The following GINS2 variants were observed in gnomAD, a reference collection of about 807,000 sequenced individuals.
GINS2 encodes the protein GINS complex subunit 2.
A neutral mutation model predicts 21.2 loss-of-function variants in GINS2; 23 were observed. That is an observed-to-expected ratio of 1.08 (90% CI 0.78 to 1.53). The LOEUF (loss-of-function observed/expected upper bound fraction) is 1.53. Ranked by LOEUF, GINS2 falls within the 40% of genes most tolerant of loss-of-function variation. GINS2 has a pLI of 0.00. For synonymous variants in GINS2, 118 were observed against 85.6 expected (o/e 1.38, Z -2.09); for missense variants, 323 against 233.9 (o/e 1.38, Z -2.49).
chr16:85,688,382 CCAAAAATA>C (rs1163444885), intron 1 of GINS2, among the ~76,000 whole-genome samples: 1 of 151,842 alleles, frequency 6.6e-6, no homozygotes, highest in African/African-American at 2.4e-5. Context: ...CACATCTCTA[CCAAAAATA>C]CAAAAATGCG....
At chr16:85,688,314 G>A (rs1262480424) in intron 1 of GINS2, among the ~76,000 whole-genome samples, 2 of 152,174 alleles carry the variant, frequency 1.3e-5, no homozygotes, top group East Asian at 1.9e-4. Context: ...TTGGGAGGCC[G>A]AGGCGAGTGG....
At chr16:85,687,624 G>T (rs1412951333) in intron 1 of GINS2, 50 bp from the exon 2 acceptor site, 5 of 1,079,480 alleles carry the variant, frequency 4.6e-6, no homozygotes, top group Non-Finnish European at 6.7e-6. Flanking sequence ...AACAAAAAAA[G>T]CATTACTGTG....
At chr16:85,687,984 G>A in intron 1 of GINS2, 1 of 156,658 alleles carries the variant, frequency 6.4e-6, no homozygotes. Context: ...TACTGAAAAC[G>A]CAAAGCCGGG....
chr16:85,680,733 C>T (rs1296441962), intron 3 of GINS2, among the ~76,000 whole-genome samples: 1 of 152,158 alleles, frequency 6.6e-6, no homozygotes, highest in African/African-American at 2.4e-5. Context: ...CAGAGGTGAG[C>T]AGGGGCAGGG....
chr16:85,683,138 G>C (rs1475299385), intron 2 of GINS2, among the ~76,000 whole-genome samples: 5 of 151,948 alleles, frequency 3.3e-5, no homozygotes, highest in African/African-American at 1.2e-4. Context: ...TCCCCTCCTT[G>C]CTTGATCCTC....
At chr16:85,686,442 T>C (rs958971368) in intron 2 of GINS2, among the ~76,000 whole-genome samples, 5 of 151,282 alleles carry the variant, frequency 3.3e-5, no homozygotes, top group Non-Finnish European at 5.9e-5. Context: ...AGTATACAAG[T>C]TTTAGTAGCA....
chr16:85,677,953 A>G lies in GINS2; in HGVS notation c.*259T>C, dbSNP rs75457038. On this transcript the variant is annotated 3_prime_UTR_variant, in exon 5 of 5. Coordinates refer to ENST00000253462, the MANE Select transcript of GINS2 (RefSeq NM_016095.3). ...CTAGGGAGAATGACTTATTTACCTA[A>G]GGCTTTTTTATTTCTCAAAAGTGGG... 6.8e-4 allele frequency: 278 copies of G among 408,092 alleles called. 2 individuals carry two copies. In the East Asian group the frequency reaches 0.013, roughly 19 times the overall value. 25.3% of individuals were successfully genotyped at this position (408,092 alleles called of 1,614,324 possible).
rs1286837742 is a variant in GINS2, at chr16:85,688,740, G to C, written c.90+69C>G. The C allele has an allele frequency of 3.2e-6, 3 of 939,306 alleles. No individual in the cohort carries two copies. In the African/African-American group the frequency reaches 5.2e-5, roughly 16 times the overall value. The allele number at this position is 939,306 out of a possible 1,614,324, so 58.2% of individuals were successfully genotyped here. On this transcript the variant is annotated intron_variant, in intron 1 of 4. Transcript: ENST00000253462. The stretch of plus-strand genomic sequence containing the variant: ...AGGGCGAGCCCGCGACCCCGGGGCT[G>C]AAGGCCACGCGGGAGCCCCGGACGC...
rs773316124 is a variant in GINS2, at chr16:85,681,639, G to C, written c.248C>G (p.Thr83Ser). ...GTAAGGGCTGGGCATTGGGGTAAAA[G>C]TTTCTTCCTTTCGTTCATGATCCCT... ...KMRDHERKEE[T>S]FTPMPSPYYM... Residue 83 changes from threonine to serine, a missense_variant, in exon 3 of 5, where the codon ACT (threonine) becomes AGT (serine). Physicochemically the swap from Thr to Ser is moderately conservative, Grantham distance 58 (BLOSUM62 1). Coordinates refer to ENST00000253462, the MANE Select transcript of GINS2 (RefSeq NM_016095.3). 3.1e-6 allele frequency: 5 copies of C among 1,612,700 alleles called. No homozygotes were observed. Among genetic ancestry groups the C allele is most frequent in the Admixed American group, 3.3e-5 (2 of 59,954 alleles).
At chr16:85,681,853 C>T (rs1485047003) in intron 2 of GINS2, among the ~76,000 whole-genome samples, 172 bp from the exon 3 acceptor site, 1 of 152,058 alleles carries the variant, frequency 6.6e-6, no homozygotes, top group Non-Finnish European at 1.5e-5. Flanking sequence ...TTTGAGGCCT[C>T]CTCCTTGAAA....
At chr16:85,687,250 A>G (rs997001346) in intron 2 of GINS2, among the ~76,000 whole-genome samples, 5 of 152,264 alleles carry the variant, frequency 3.3e-5, no homozygotes, top group Admixed American at 6.5e-5. Flanking sequence ...CACACACACC[A>G]AAACCTAACA....
At chr16:85,685,251 G>A (rs879412110) in intron 2 of GINS2, among the ~76,000 whole-genome samples, 3 of 152,194 alleles carry the variant, frequency 2.0e-5, no homozygotes, top group South Asian at 2.1e-4. Context: ...TCTAGCCTGC[G>A]ATAAAACAGG....
chr16:85,686,019 TCC>T (rs200297305), intron 2 of GINS2, among the ~76,000 whole-genome samples: 1 of 152,004 alleles, frequency 6.6e-6, no homozygotes, highest in African/African-American at 2.4e-5. Flanking sequence ...AGATTTTTTT[TCC>T]CTATAATAAG....
chr16:85,686,855 A>C (rs996127569), intron 2 of GINS2, among the ~76,000 whole-genome samples: 1 of 152,262 alleles, frequency 6.6e-6, no homozygotes, highest in Non-Finnish European at 1.5e-5. Flanking sequence ...ATGCTAATCT[A>C]TACTTATTTT....
chr16:85,681,459 G>T, intron 3 of GINS2, 123 bp downstream of exon 3: 1 of 634,734 alleles, frequency 1.6e-6, no homozygotes, highest in Non-Finnish European at 2.8e-6. Flanking sequence ...GAGAAACAGG[G>T]CGGCCAGTGT....
chr16:85,688,732 C>T (rs2053801796), intron 1 of GINS2, 77 bp downstream of exon 1: 2 of 810,848 alleles, frequency 2.5e-6, no homozygotes, highest in Non-Finnish European at 3.7e-6. Context: ...GCCCGCGACC[C>T]CGGGGCTGAA....
chr16:85,688,441 G>C (rs149595014), intron 1 of GINS2, among the ~76,000 whole-genome samples: 6,686 of 152,134 alleles, frequency 0.044, 402 homozygotes, highest in East Asian at 0.15. Context: ...AGCTACTCAG[G>C]AGGCTGAGGC....
chr16:85,687,788 C>A, intron 1 of GINS2: 1 of 437,142 alleles, frequency 2.3e-6, no homozygotes, highest in South Asian at 3.9e-5. Context: ...CTGGCCTTTC[C>A]GCGGACAGGA....
At chr16:85,684,224 C>G (rs890320737) in intron 2 of GINS2, among the ~76,000 whole-genome samples, 3 of 152,152 alleles carry the variant, frequency 2.0e-5, no homozygotes, top group African/African-American at 4.8e-5. Context: ...TTCCCAGTTA[C>G]TCAAGAAGCA....
Sources: gnomAD v4.1 joint callset for allele counts (sites outside exome capture counted in the v4.1 genomes callset) on GRCh38, gnomAD v4.1.1 for gene constraint, MANE v1.5 for transcripts, NCBI Gene and HGNC (gene_info 2026-07-23, HGNC 2026-07-21) for gene names.